CSRNP3: variants seen among roughly 807,000 people sequenced by gnomAD.
CSRNP3 encodes cysteine and serine rich nuclear protein 3.
CSRNP3 carries 12 observed loss-of-function variants against 48.0 expected under a neutral mutation model. That is an observed-to-expected ratio of 0.25 (90% confidence interval 0.16 to 0.41). CSRNP3 has a LOEUF of 0.41. Among genes scored for constraint, CSRNP3 ranks in the 10% least tolerant of loss-of-function variants. The probability of loss-of-function intolerance (pLI) is 1.00; values close to 1 mark genes in which losing one functional copy is unlikely to be tolerated. For missense variants in CSRNP3, 580 were observed against 724.4 expected (o/e 0.80, Z 2.29); for synonymous variants, 263 against 269.7 (o/e 0.98, Z 0.24).
chr2:165,652,754 G>A (rs1686935779), intron 4 of CSRNP3, among the ~76,000 whole-genome samples: 1 of 151,906 alleles, frequency 6.6e-6, no homozygotes, highest in East Asian at 2.0e-4. Flanking sequence ...ACGTTGCTCA[G>A]GCTGGTCTCG....
chr2:165,522,298 T>TCAAACAAA (rs141311752), intron 3 of CSRNP3, among the ~76,000 whole-genome samples: 171 of 151,358 alleles, frequency 1.1e-3, no homozygotes, highest in Middle Eastern at 3.4e-3. Flanking sequence ...AGGCCTTGTC[T>TCAAACAAA]CAAACAAACA....
At chr2:165,523,890 T>C (rs1034043553) in intron 3 of CSRNP3, among the ~76,000 whole-genome samples, 1 of 152,242 alleles carries the variant, frequency 6.6e-6, no homozygotes, top group African/African-American at 2.4e-5. Flanking sequence ...TATTGCTCTT[T>C]GGTTCTTCTT....
intron 5 of CSRNP3, among the ~76,000 whole-genome samples, chr2:165,675,988 A>G (rs1687416052): frequency 6.6e-6 from 1 of 152,212 alleles, no homozygotes; most frequent in Admixed American, 6.5e-5. Context: ...GTCTAAAGAT[A>G]GTTTTCACTG....
At chr2:165,633,085 T>G (rs1216154821) in intron 4 of CSRNP3, among the ~76,000 whole-genome samples, 1 of 152,230 alleles carries the variant, frequency 6.6e-6, no homozygotes, top group Non-Finnish European at 1.5e-5. Flanking sequence ...AACTATACAC[T>G]GATTGTGTAG....
At chr2:165,524,182 C>T (rs1684702087) in intron 3 of CSRNP3, among the ~76,000 whole-genome samples, 1 of 152,076 alleles carries the variant, frequency 6.6e-6, no homozygotes, top group South Asian at 2.1e-4. Flanking sequence ...CCCAGGTACA[C>T]ATAATTAGTG....
intron 3 of CSRNP3, among the ~76,000 whole-genome samples, chr2:165,560,299 T>C (rs560040038): frequency 6.6e-6 from 1 of 152,290 alleles, no homozygotes; most frequent in Non-Finnish European, 1.5e-5. Context: ...TAGCCATCCC[T>C]AGAAGCAGAA....
At chr2:165,614,519 A>G (rs1313335770) in intron 4 of CSRNP3, among the ~76,000 whole-genome samples, 2 of 152,190 alleles carry the variant, frequency 1.3e-5, no homozygotes, top group Non-Finnish European at 2.9e-5. Flanking sequence ...TTTAGAGTAA[A>G]GGCTTTCAGC....
At chr2:165,571,267 A>C (rs1161144122) in intron 3 of CSRNP3, among the ~76,000 whole-genome samples, 1 of 151,854 alleles carries the variant, frequency 6.6e-6, no homozygotes, top group East Asian at 1.9e-4. Context: ...TGCACTTCGC[A>C]TGTATTTGTC....
intron 5 of CSRNP3, among the ~76,000 whole-genome samples, chr2:165,669,130 T>G (rs982093122): frequency 6.6e-6 from 1 of 152,228 alleles, no homozygotes; most frequent in African/African-American, 2.4e-5. Context: ...TATTATAATA[T>G]GCAGTAATCA....
intron 3 of CSRNP3, among the ~76,000 whole-genome samples, chr2:165,545,161 G>C (rs890746620): frequency 6.6e-6 from 1 of 152,158 alleles, no homozygotes; most frequent in African/African-American, 2.4e-5. Flanking sequence ...CATAGTTTCA[G>C]TGAGCTGGTG....
At chr2:165,576,225 A>G (rs1685449318) in intron 3 of CSRNP3, among the ~76,000 whole-genome samples, 1 of 151,788 alleles carries the variant, frequency 6.6e-6, no homozygotes, top group Non-Finnish European at 1.5e-5. Flanking sequence ...ACACATATAT[A>G]TATTTCAAGC....
At chr2:165,535,947 G>A (rs1241398331) in intron 3 of CSRNP3, among the ~76,000 whole-genome samples, 3 of 151,720 alleles carry the variant, frequency 2.0e-5, no homozygotes, top group Non-Finnish European at 3.0e-5. Context: ...TGTTTCCCAC[G>A]AAACAATGAC....
intron 3 of CSRNP3, among the ~76,000 whole-genome samples, chr2:165,525,900 T>G (rs1488375949): frequency 5.9e-5 from 9 of 152,192 alleles, no homozygotes; most frequent in African/African-American, 1.9e-4. Flanking sequence ...ATGATCTGTT[T>G]GGGGTTAATT....
At chr2:165,657,061 G>A (rs927473376) in intron 4 of CSRNP3, among the ~76,000 whole-genome samples, 4 of 152,156 alleles carry the variant, frequency 2.6e-5, no homozygotes, top group Non-Finnish European at 5.9e-5. Context: ...GTTGGGAGTA[G>A]TGTGATGAAA....
In CSRNP3 at chr2:165,611,895, G is replaced by A. The variant is rs191630756; in HGVS notation, c.148+16682G>A. On this transcript the variant is annotated intron_variant, in intron 4 of 6. Transcript: ENST00000651982. ...AATCTAACTTGATTTTAACATATGC[G>A]GAATTCTCCATGGGTGTAGTTAATT... Among the ~76,000 whole-genome samples the A allele has an allele frequency of 3.6e-3, 544 of 151,806 alleles. 7 individuals are homozygous for A. The highest frequency in any genetic ancestry group is 0.012 in the African/African-American group (510 of 41,450).
intron 4 of CSRNP3, among the ~76,000 whole-genome samples, chr2:165,647,177 G>A (rs1686827677): frequency 6.6e-6 from 1 of 152,048 alleles, no homozygotes; most frequent in African/African-American, 2.4e-5. Flanking sequence ...TTCCTGTGAG[G>A]TAGATAAACA....
At chr2:165,674,994 C>T (rs1037051961) in intron 5 of CSRNP3, among the ~76,000 whole-genome samples, 9 of 151,856 alleles carry the variant, frequency 5.9e-5, no homozygotes, top group Admixed American at 3.9e-4. Context: ...ATTACAGGCA[C>T]GAGCCACTGC....
intron 1 of CSRNP3, among the ~76,000 whole-genome samples, chr2:165,472,721 C>CAACTCATTTA: frequency 6.6e-6 from 1 of 151,998 alleles, no homozygotes; most frequent in African/African-American, 2.4e-5. Flanking sequence ...TTTCTCTTTA[C>CAACTCATTTA]AACTCATTTA....
intron 5 of CSRNP3, among the ~76,000 whole-genome samples, chr2:165,667,145 A>AAAGG (rs745443280): frequency 0.01 from 1,494 of 148,354 alleles, 18 homozygotes; most frequent in African/African-American, 0.029. Context: ...GAGAGAGAGA[A>AAAGG]AAGGAAGGAA....
Sources: gnomAD v4.1 joint callset for allele counts (sites outside exome capture counted in the v4.1 genomes callset) on GRCh38, gnomAD v4.1.1 for gene constraint, MANE v1.5 for transcripts, NCBI Gene and HGNC (gene_info 2026-07-23, HGNC 2026-07-21) for gene names.